LRRC36: variants seen among roughly 807,000 people sequenced by gnomAD.
The protein encoded by LRRC36 is leucine-rich repeat-containing protein 36.
A neutral mutation model predicts 81.1 loss-of-function variants in LRRC36; 62 were observed. The observed-to-expected ratio is 0.76, with a 90% CI of 0.62 to 0.94. LRRC36 has a LOEUF of 0.94. Among genes scored for constraint, LRRC36 ranks in the 40% least tolerant of loss-of-function variants. The pLI is 0.00. For synonymous variants in LRRC36, 334 were observed against 348.6 expected (o/e 0.96, Z 0.47); for missense variants, 761 against 881.7 (o/e 0.86, Z 1.73).
intron 13 of LRRC36, among the ~76,000 whole-genome samples, chr16:67,384,395 T>C (rs890243727): frequency 2.6e-5 from 4 of 152,086 alleles, no homozygotes; most frequent in Admixed American, 1.3e-4. Flanking sequence ...GATCCCACCA[T>C]TGCACTCTAG....
chr16:67,354,040 T>G (rs149739858), intron 5 of LRRC36, among the ~76,000 whole-genome samples: 1 of 152,212 alleles, frequency 6.6e-6, no homozygotes, highest in Non-Finnish European at 1.5e-5. Flanking sequence ...TTACTTGGTG[T>G]ATAAGACTCC....
At chr16:67,384,292 A>T (rs1379079474) in intron 13 of LRRC36, among the ~76,000 whole-genome samples, 1 of 152,050 alleles carries the variant, frequency 6.6e-6, no homozygotes, top group Non-Finnish European at 1.5e-5. Context: ...AAATTAGCTG[A>T]GTGTGGTGGT....
chr16:67,335,196 G>A (rs1171593207), intron 1 of LRRC36, among the ~76,000 whole-genome samples: 1 of 152,160 alleles, frequency 6.6e-6, no homozygotes, highest in African/African-American at 2.4e-5. Flanking sequence ...CGGGAGACCG[G>A]GGCTTATTTC....
chr16:67,381,983 A>T, intron 12 of LRRC36, 150 bp from the exon 13 acceptor site: 1 of 606,178 alleles, frequency 1.6e-6, no homozygotes, highest in Non-Finnish European at 3.0e-6. Context: ...TCTTGCCACC[A>T]TATCTCCTAT....
In LRRC36 at chr16:67,347,230, C is replaced by T; in HGVS notation, c.392-265C>T. ...TATGACTTTCAGCCCTAACATTAGGCCTTTGAATTGTTTACTGTCCAAGCT... is the reference window on the plus strand; with the variant it reads ...TATGACTTTCAGCCCTAACATTAGGTCTTTGAATTGTTTACTGTCCAAGCT... On this transcript the variant is annotated intron_variant, in intron 3 of 13. Transcript: ENST00000329956. 2 of 404,840 alleles carry T rather than the reference C, an allele frequency of 4.9e-6. 1 individual carries two copies. Among genetic ancestry groups the T allele is most frequent in the South Asian group, 5.3e-5 (2 of 37,556 alleles). 25.1% of individuals were successfully genotyped at this position (404,840 alleles called of 1,614,324 possible).
intron 8 of LRRC36, among the ~76,000 whole-genome samples, chr16:67,369,499 C>A (rs2142120787): frequency 6.6e-6 from 1 of 152,272 alleles, no homozygotes; most frequent in South Asian, 2.1e-4. Context: ...ATGAAAGCCT[C>A]ACTGAGGTGA....
At chr16:67,377,417 GC>G (rs1438892241) in intron 11 of LRRC36, among the ~76,000 whole-genome samples, 1 of 152,048 alleles carries the variant, frequency 6.6e-6, no homozygotes, top group African/African-American at 2.4e-5. Context: ...TGCAACCTCT[GC>G]CCCCCAGGTT....
rs375597469 is a variant in LRRC36, at chr16:67,385,021, G to A, written c.2197G>A (p.Val733Met). ...GKSTLSSSSP[V>M]AHETGQYLIQ... The stretch of plus-strand genomic sequence containing the variant: ...AAGCACGTTGTCTTCCTCCTCACCA[G>A]TGGCACATGAGACTGGTCAGTATCT... Residue 733 changes from valine (V) to methionine (M), a missense_variant, in exon 14 of 14, where the codon GTG (valine) becomes ATG (methionine). Around this residue, in one of 3 missense-constraint regions of LRRC36, gnomAD observed 359 missense variants for 388.4 expected, o/e 0.92. Transcript: ENST00000329956. 1.2e-6 allele frequency: 2 copies of A among 1,614,084 alleles called. No homozygotes were observed. Among genetic ancestry groups the A allele is most frequent in the African/African-American group, 2.7e-5 (2 of 74,920 alleles).
intron 12 of LRRC36, among the ~76,000 whole-genome samples, chr16:67,379,578 G>A (rs572460010): frequency 5.3e-5 from 8 of 152,206 alleles, no homozygotes; most frequent in Non-Finnish European, 1.0e-4. Flanking sequence ...TTAGCTGCGC[G>A]TGGTGGCAAG....
chr16:67,384,325 T>C (rs1294151868), intron 13 of LRRC36, among the ~76,000 whole-genome samples: 1 of 152,092 alleles, frequency 6.6e-6, no homozygotes, highest in East Asian at 1.9e-4. Flanking sequence ...TCCCAGCTAC[T>C]TGGGAGGCTG....
rs1567474708 is a variant in LRRC36 at position 67,346,338 on chromosome 16, A to C, written c.281A>C (p.Gln94Pro). 3.1e-6 allele frequency: 5 copies of C among 1,612,974 alleles called. No homozygotes were observed. Among genetic ancestry groups the C allele is most frequent in the Non-Finnish European group, 4.2e-6 (5 of 1,179,174 alleles). ...IPSLVEVSRL[Q>P]PLPFLKELDL... ...TCATTAGTGGAAGTGTCCCGTCTAC[A>C]ACCGTTACCCTTCCTCAAAGAACTG... Residue 94 changes from glutamine (Q) to proline (P), a missense_variant, in exon 3 of 14, where the codon CAA (glutamine) becomes CCA (proline). Coordinates refer to ENST00000329956, the MANE Select transcript of LRRC36 (RefSeq NM_018296.6).
At position 67,371,196 on chromosome 16, in the gene LRRC36, C is replaced by T; in HGVS notation, c.1448C>T (p.Ala483Val). Residue 483 changes from alanine (A) to valine (V), a missense_variant, in exon 9 of 14, where the codon GCC (alanine) becomes GTC (valine). By Grantham distance (64) the Ala-to-Val change is moderately conservative. Transcript: ENST00000329956. ...TTCAAATGGAAGGACAATATCCTTG[C>T]CAACCTGAATCTAAAGCATGGTTTC... ...RGFKWKDNIL[A>V]NLNLKHGFQD... 6.2e-7 allele frequency: 1 copy of T among 1,614,202 alleles called. No individual in the cohort carries two copies.
At position 67,385,136 on chromosome 16, in the gene LRRC36, C is replaced by T; in HGVS notation, c.*47C>T. ...ACAGCTTCCCTGGTCCACAGAGGCT[C>T]TCACCGCCATTGCCACCAGTATGGT... On this transcript the variant is annotated 3_prime_UTR_variant, in exon 14 of 14. Coordinates refer to ENST00000329956, the MANE Select transcript of LRRC36 (RefSeq NM_018296.6). 2 of 1,448,666 alleles carry T rather than the reference C, an allele frequency of 1.4e-6. No individual in the cohort carries two copies. The highest frequency in any genetic ancestry group is 1.9e-6 in the Non-Finnish European group (2 of 1,036,158). The allele number at this position is 1,448,666 out of a possible 1,614,324, so 89.7% of individuals were successfully genotyped here. A position where few individuals can be genotyped will look rare whatever the true frequency, so the allele number is the denominator to read the frequency against.
chr16:67,364,218 C>G (rs1333545185), intron 6 of LRRC36, among the ~76,000 whole-genome samples: 1 of 152,136 alleles, frequency 6.6e-6, no homozygotes, highest in African/African-American at 2.4e-5. Flanking sequence ...AGATAGAGAT[C>G]ATGCAAGATG....
chr16:67,355,666 G>A (rs527736996), intron 5 of LRRC36, among the ~76,000 whole-genome samples: 1 of 152,078 alleles, frequency 6.6e-6, no homozygotes, highest in Admixed American at 6.5e-5. Context: ...GAGCCACCGC[G>A]CCCGGTCTTT....
intron 7 of LRRC36, among the ~76,000 whole-genome samples, chr16:67,366,412 T>C (rs1394757192): frequency 6.6e-6 from 1 of 151,782 alleles, no homozygotes; most frequent in African/African-American, 2.4e-5. Context: ...GTCAGGAGTT[T>C]GAGACCAGCA....
intron 9 of LRRC36, 43 bp from the exon 10 acceptor site, chr16:67,375,204 G>A: frequency 6.3e-7 from 1 of 1,586,440 alleles, no homozygotes; most frequent in Non-Finnish European, 8.6e-7. Flanking sequence ...ACAAATGGTT[G>A]GGTTTTTTGT....
intron 5 of LRRC36, among the ~76,000 whole-genome samples, chr16:67,355,363 C>CTTTTTTTTT (rs1156742689): frequency 3.9e-5 from 3 of 77,704 alleles, no homozygotes; most frequent in Non-Finnish European, 8.0e-5. Flanking sequence ...TTTAAGATGT[C>CTTTTTTTTT]TTTTTTTTTT....
chr16:67,349,718 A>G (rs1028663022), intron 4 of LRRC36, among the ~76,000 whole-genome samples: 5 of 152,082 alleles, frequency 3.3e-5, no homozygotes, highest in African/African-American at 1.2e-4. Context: ...CAGTATAAAT[A>G]TTACTTTTTC....
Sources: allele counts gnomAD v4.1 joint callset (sites outside exome capture counted in the v4.1 genomes callset), GRCh38; gene constraint gnomAD v4.1.1; regional missense constraint gnomAD v4.1.1; transcripts MANE v1.5; gene names NCBI Gene and HGNC (gene_info 2026-07-23, HGNC 2026-07-21).